Variants in NTRK3 observed in about 807,000 individuals in gnomAD.
NTRK3 encodes the protein neurotrophic receptor tyrosine kinase 3, also known as NT-3 growth factor receptor.
In NTRK3, 24 loss-of-function variants were observed where a neutral mutation model predicts 91.7. That is an observed-to-expected ratio of 0.26 (90% confidence interval 0.19 to 0.37). NTRK3 has a LOEUF of 0.37. NTRK3 is among the 10% of genes least tolerant of loss of function. The pLI is 1.00. For missense variants in NTRK3, 880 were observed against 1,068.9 expected, an observed-to-expected ratio of 0.82 and a Z score of 2.46; for synonymous variants, 483 against 404.0, an observed-to-expected ratio of 1.20 and a Z score of -2.34.
chr15:87,946,736 G>C (rs1369678424), intron 14 of NTRK3, among the ~76,000 whole-genome samples: 6 of 152,088 alleles, frequency 3.9e-5, no homozygotes, highest in Non-Finnish European at 7.3e-5. Flanking sequence ...ATCTCGCTCT[G>C]CACTGCTCCT....
At chr15:87,876,952 G>T (rs2141434829) in exon 19 of NTRK3, 1 of 1,613,830 alleles carries the variant, frequency 6.2e-7, no homozygotes, top group African/African-American at 1.3e-5. Context: ...AGAATGTCCA[G>T]GTAGATTGGG....
chr15:88,011,595 T>C (rs909310756), intron 14 of NTRK3, among the ~76,000 whole-genome samples: 3 of 152,160 alleles, frequency 2.0e-5, no homozygotes, highest in African/African-American at 7.2e-5. Context: ...CATGGTGAGT[T>C]GGGTCTATCC....
At chr15:88,076,269 C>A (rs1447624223) in intron 13 of NTRK3, among the ~76,000 whole-genome samples, 1 of 152,108 alleles carries the variant, frequency 6.6e-6, no homozygotes, top group Non-Finnish European at 1.5e-5. Context: ...GAGACTTATT[C>A]ACTATCATAA....
At chr15:88,126,173 C>A in intron 13 of NTRK3, 98 bp downstream of exon 13, 1 of 882,460 alleles carries the variant, frequency 1.1e-6, no homozygotes, top group East Asian at 2.6e-5. Flanking sequence ...GACCGGAGGC[C>A]CTCTCAGAGA....
intron 16 of NTRK3, among the ~76,000 whole-genome samples, chr15:87,929,785 T>A (rs1479992960): frequency 6.6e-6 from 1 of 152,186 alleles, no homozygotes; most frequent in African/African-American, 2.4e-5. Flanking sequence ...TAGCCCTTAC[T>A]ATATGCTCTG....
chr15:88,124,573 C>T (rs900677170), intron 13 of NTRK3, among the ~76,000 whole-genome samples: 3 of 152,196 alleles, frequency 2.0e-5, no homozygotes, highest in African/African-American at 7.2e-5. Context: ...GGAGGAAGAG[C>T]TATAAAAGCT....
At chr15:87,938,015 G>A (rs774380774) in intron 15 of NTRK3, among the ~76,000 whole-genome samples, 3 of 151,902 alleles carry the variant, frequency 2.0e-5, no homozygotes, top group Admixed American at 6.6e-5. Flanking sequence ...TCCCTCCTCT[G>A]CAAAGGAAGG....
intron 14 of NTRK3, among the ~76,000 whole-genome samples, chr15:87,982,795 G>T (rs2074404253): frequency 6.6e-6 from 1 of 152,202 alleles, no homozygotes; most frequent in Admixed American, 6.5e-5. Context: ...CACATAAAAA[G>T]ACATTCAAAT....
At chr15:88,073,297 G>A (rs2047246984) in intron 13 of NTRK3, among the ~76,000 whole-genome samples, 1 of 152,234 alleles carries the variant, frequency 6.6e-6, no homozygotes, top group Non-Finnish European at 1.5e-5. Context: ...TTGTTCAAGA[G>A]CATTCAGCTG....
intron 17 of NTRK3, among the ~76,000 whole-genome samples, chr15:87,914,734 A>G (rs1220666042): frequency 6.6e-6 from 1 of 152,212 alleles, no homozygotes; most frequent in Non-Finnish European, 1.5e-5. Flanking sequence ...CTGGGTAAGG[A>G]AATGACCAAC....
At chr15:87,975,656 G>A (rs1335137294) in intron 14 of NTRK3, among the ~76,000 whole-genome samples, 4 of 152,150 alleles carry the variant, frequency 2.6e-5, no homozygotes, top group Non-Finnish European at 5.9e-5. Context: ...TAAATGCCAT[G>A]AGACTTCAAC....
At chr15:87,976,344 G>T (rs2073711304) in intron 14 of NTRK3, among the ~76,000 whole-genome samples, 2 of 152,154 alleles carry the variant, frequency 1.3e-5, no homozygotes, top group Admixed American at 6.5e-5. Context: ...AAGCAACTGA[G>T]GGTATATAGA....
At chr15:88,183,374 T>A (rs1178172048) in intron 5 of NTRK3, 44 bp downstream of exon 5, 1 of 1,595,810 alleles carries the variant, frequency 6.3e-7, no homozygotes, top group East Asian at 2.2e-5. Flanking sequence ...GCCCCAAGAG[T>A]ACCTGCCATG....
chr15:88,098,844 C>G (rs551301169), intron 13 of NTRK3, among the ~76,000 whole-genome samples: 102 of 152,250 alleles, frequency 6.7e-4, no homozygotes, highest in African/African-American at 2.2e-3. Context: ...TGCTCAGAAA[C>G]TCAGTAATCA....
chr15:87,864,036 A>C (rs2064598302), exon 19 of NTRK3: 1 of 230,450 alleles, frequency 4.3e-6, no homozygotes, highest in Non-Finnish European at 8.5e-6. Context: ...CTCAAAAAGT[A>C]AAGTCTACCT....
At chr15:88,250,816 A>G (rs1395675384) in intron 3 of NTRK3, among the ~76,000 whole-genome samples, 2 of 152,268 alleles carry the variant, frequency 1.3e-5, no homozygotes, top group Non-Finnish European at 2.9e-5. Flanking sequence ...TATAAACCCC[A>G]AACACTCATA....
chr15:88,232,593 C>A (rs962764224), intron 3 of NTRK3, among the ~76,000 whole-genome samples: 1 of 152,280 alleles, frequency 6.6e-6, no homozygotes, highest in African/African-American at 2.4e-5. Context: ...GGGCAATTGG[C>A]CCTCTAGACA....
At chr15:88,043,953 T>C (rs530517536) in intron 13 of NTRK3, among the ~76,000 whole-genome samples, 21 of 152,254 alleles carry the variant, frequency 1.4e-4, no homozygotes, top group African/African-American at 5.1e-4. Flanking sequence ...TTTCCCAGTA[T>C]TTCTAAGTAC....
At position 87,930,885 on chromosome 15, in the gene NTRK3, C is replaced by T. The variant is rs745503621; in HGVS notation, c.1890-1451G>A. On this transcript the variant is annotated intron_variant, in intron 16 of 18. Transcript: ENST00000394480. ...GAGCCTTGATTTAGAGAGACTCCCCCATGCTGTCTTCAGGAAGGGATCCCA... is the reference window on the plus strand; with the variant it reads ...GAGCCTTGATTTAGAGAGACTCCCCTATGCTGTCTTCAGGAAGGGATCCCA... 5.9e-5 allele frequency among the ~76,000 whole-genome samples: 9 copies of T among 152,092 alleles called. 1 individual carries two copies.
Sources: allele counts gnomAD v4.1 joint callset (sites outside exome capture counted in the v4.1 genomes callset), GRCh38; gene constraint gnomAD v4.1.1; transcripts MANE v1.5; gene names NCBI Gene and HGNC (gene_info 2026-07-23, HGNC 2026-07-21).